The following MAP4K4 variants were observed in gnomAD, a reference collection of about 807,000 sequenced individuals.
MAP4K4 encodes mitogen-activated protein kinase kinase kinase kinase 4.
A neutral mutation model predicts 189.6 loss-of-function variants in MAP4K4; 38 were observed. The ratio of observed to expected loss-of-function variants is 0.20; its 90% confidence interval spans 0.15 to 0.26. The LOEUF is 0.26. Ranked by LOEUF, MAP4K4 falls within the 10% of genes least tolerant of loss-of-function variation. The probability of loss-of-function intolerance (pLI) is 1.00; values close to 1 mark genes in which losing one functional copy is unlikely to be tolerated. For missense variants in MAP4K4, 1,054 were observed against 1,726.9 expected (o/e 0.61, Z 6.91); for synonymous variants, 610 against 624.3 (o/e 0.98, Z 0.34).
At chr2:101,825,244 G>C in intron 4 of MAP4K4, 75 bp from the exon 5 acceptor site, 14 of 792,822 alleles carry the variant, frequency 1.8e-5, no homozygotes, top group Non-Finnish European at 2.9e-5. Context: ...AGAAAAGAGA[G>C]GGCATGGCGG....
intron 2 of MAP4K4, among the ~76,000 whole-genome samples, chr2:101,716,829 T>TG (rs1276000190): frequency 6.6e-6 from 1 of 152,180 alleles, no homozygotes; most frequent in Non-Finnish European, 1.5e-5. Flanking sequence ...TTAAGCACCC[T>TG]GGCCTTTTGT....
At chr2:101,858,902 GTGA>G in intron 13 of MAP4K4, 91 bp from the exon 14 acceptor site, 1 of 815,108 alleles carries the variant, frequency 1.2e-6, no homozygotes. Context: ...GTCACTAAAG[GTGA>G]TTGGAGCAAA....
chr2:101,893,454 A>G (rs887692399), exon 33 of MAP4K4: 17 of 343,554 alleles, frequency 4.9e-5, no homozygotes, highest in South Asian at 3.9e-4. Flanking sequence ...GACTTTAGTT[A>G]GAATTAAATT....
intron 2 of MAP4K4, among the ~76,000 whole-genome samples, chr2:101,753,966 T>G (rs1412382345): frequency 6.6e-6 from 1 of 152,314 alleles, no homozygotes; most frequent in East Asian, 1.9e-4. Context: ...GCCTGGGGTC[T>G]TTATTATTAG....
At chr2:101,729,963 C>A (rs1234654389) in intron 2 of MAP4K4, among the ~76,000 whole-genome samples, 1 of 152,164 alleles carries the variant, frequency 6.6e-6, no homozygotes, top group African/African-American at 2.4e-5. Context: ...ATGCCAGGAA[C>A]CTGTCTTTGT....
At chr2:101,789,453 A>AT (rs1243485984) in intron 2 of MAP4K4, among the ~76,000 whole-genome samples, 1 of 152,132 alleles carries the variant, frequency 6.6e-6, no homozygotes, top group Non-Finnish European at 1.5e-5. Flanking sequence ...CACTACTATG[A>AT]TCTCACTTAT....
chr2:101,876,172 G>C (rs536309377), intron 26 of MAP4K4, among the ~76,000 whole-genome samples: 142 of 152,294 alleles, frequency 9.3e-4, no homozygotes, highest in African/African-American at 3.3e-3. Flanking sequence ...TTTCAGTAGA[G>C]ATCTGCAGTG....
At chr2:101,838,503 A>G (rs2096828724) in intron 9 of MAP4K4, among the ~76,000 whole-genome samples, 1 of 152,066 alleles carries the variant, frequency 6.6e-6, no homozygotes, top group Non-Finnish European at 1.5e-5. Flanking sequence ...ACACTTCCCT[A>G]CTTTTGTTCA....
intron 17 of MAP4K4, among the ~76,000 whole-genome samples, chr2:101,864,371 A>G (rs576788939): frequency 1.3e-5 from 2 of 152,226 alleles, no homozygotes; most frequent in Non-Finnish European, 2.9e-5. Context: ...GAAGCTATGC[A>G]GTTTTGCAAT....
At chr2:101,729,077 G>GA (rs70946662) in intron 2 of MAP4K4, among the ~76,000 whole-genome samples, 66 of 128,766 alleles carry the variant, frequency 5.1e-4, no homozygotes, top group African/African-American at 1.4e-3. Context: ...ATTAGAGAGA[G>GA]GAGAGAGAGA....
intron 3 of MAP4K4, among the ~76,000 whole-genome samples, chr2:101,805,782 T>C (rs1393229495): frequency 6.6e-6 from 1 of 152,248 alleles, no homozygotes; most frequent in Non-Finnish European, 1.5e-5. Context: ...CTCTCTGCTA[T>C]CTTTGTTGGC....
intron 2 of MAP4K4, among the ~76,000 whole-genome samples, chr2:101,756,699 C>T (rs553221952): frequency 2.6e-4 from 39 of 151,268 alleles, no homozygotes; most frequent in African/African-American, 9.0e-4. Flanking sequence ...GGACTGCAGG[C>T]GCGCATCACC....
chr2:101,856,846 C>T (rs1053546429), intron 13 of MAP4K4, among the ~76,000 whole-genome samples: 4 of 152,146 alleles, frequency 2.6e-5, no homozygotes, highest in Admixed American at 2.6e-4. Context: ...TTAAATAGCA[C>T]TTGGTATCTG....
At chr2:101,859,809 G>T (rs761550452) in exon 15 of MAP4K4, 1 of 1,610,800 alleles carries the variant, frequency 6.2e-7, no homozygotes, top group Non-Finnish European at 8.5e-7. Flanking sequence ...AGCAAGCCAA[G>T]CTTCCATGCT....
At chr2:101,700,387 G>A (rs904918635) in intron 2 of MAP4K4, among the ~76,000 whole-genome samples, 3 of 152,150 alleles carry the variant, frequency 2.0e-5, no homozygotes, top group Non-Finnish European at 4.4e-5. Context: ...TGGGATACTG[G>A]CATGACACAG....
intron 2 of MAP4K4, among the ~76,000 whole-genome samples, chr2:101,745,324 T>G: frequency 9.3e-6 from 1 of 107,518 alleles, no homozygotes; most frequent in Non-Finnish European, 1.7e-5. Flanking sequence ...AAAGTGAAAA[T>G]ATCACCCCCC....
chr2:101,823,255 G>C (rs938014726), intron 3 of MAP4K4, among the ~76,000 whole-genome samples: 6 of 152,094 alleles, frequency 3.9e-5, no homozygotes, highest in Non-Finnish European at 5.9e-5. Flanking sequence ...TTCTTCCTCT[G>C]CTCATCTTAT....
intron 2 of MAP4K4, among the ~76,000 whole-genome samples, chr2:101,754,694 A>T (rs543370835): frequency 1.3e-5 from 2 of 152,228 alleles, no homozygotes; most frequent in African/African-American, 4.8e-5. Flanking sequence ...CATCAAGCAG[A>T]GTTAATTCAA....
chr2:101,801,141 G>A (rs1015865205), intron 3 of MAP4K4, among the ~76,000 whole-genome samples: 27 of 152,020 alleles, frequency 1.8e-4, no homozygotes, highest in Non-Finnish European at 4.4e-5. Context: ...AGCTTTGGGC[G>A]GCTGTACATG....
Sources: allele counts gnomAD v4.1 joint callset (sites outside exome capture counted in the v4.1 genomes callset), GRCh38; gene constraint gnomAD v4.1.1; transcripts MANE v1.5; gene names NCBI Gene and HGNC (gene_info 2026-07-23, HGNC 2026-07-21).